Variants in ADGRB1 observed in about 807,000 individuals in gnomAD.
The protein encoded by ADGRB1 is adhesion G protein-coupled receptor B1, also known as brain-specific angiogenesis inhibitor 1.
In ADGRB1, 36 loss-of-function variants were observed where a neutral mutation model predicts 175.7. The observed-to-expected ratio is 0.20, with a 90% CI of 0.16 to 0.27. ADGRB1 has a LOEUF of 0.27. Ranked by LOEUF, ADGRB1 falls within the 10% of genes least tolerant of loss-of-function variation. The pLI, the probability that ADGRB1 is intolerant of heterozygous loss-of-function variation, is 1.00. For missense variants in ADGRB1, 1,731 were observed against 2,255.3 expected, an observed-to-expected ratio of 0.77 and a Z score of 4.71; for synonymous variants, 1,054 against 979.4, an observed-to-expected ratio of 1.08 and a Z score of -1.42.
At chr8:142,524,079 A>G (rs1844028080) in intron 22 of ADGRB1, among the ~76,000 whole-genome samples, 159 bp from the exon 23 acceptor site, 2 of 152,128 alleles carry the variant, frequency 1.3e-5, no homozygotes, top group Non-Finnish European at 2.9e-5. Context: ...TTCTAAGGCT[A>G]AAGAGTGGGT....
chr8:142,479,650 C>G, intron 8 of ADGRB1, 43 bp from the exon 9 acceptor site: 1 of 1,593,302 alleles, frequency 6.3e-7, no homozygotes, highest in Non-Finnish European at 8.6e-7. Context: ...GCTGCCGGCT[C>G]TCAGTACCCC....
chr8:142,527,145 C>T (rs1284253532), intron 24 of ADGRB1, among the ~76,000 whole-genome samples: 1 of 152,232 alleles, frequency 6.6e-6, no homozygotes, highest in African/African-American at 2.4e-5. Flanking sequence ...AGCACAGCAG[C>T]TGGACAGGGT....
chr8:142,457,635 C>G (rs554890039), intron 1 of ADGRB1, among the ~76,000 whole-genome samples: 107 of 152,282 alleles, frequency 7.0e-4, no homozygotes, highest in South Asian at 5.2e-3. Flanking sequence ...CCTGGGCTCT[C>G]TACGGGCAGG....
intron 14 of ADGRB1, 70 bp downstream of exon 14, chr8:142,488,577 C>A: frequency 6.4e-7 from 1 of 1,566,156 alleles, no homozygotes; most frequent in Non-Finnish European, 8.7e-7. Context: ...CGGTCACCAC[C>A]CTTCTGGAGT....
intron 21 of ADGRB1, 96 bp from the exon 22 acceptor site, chr8:142,522,545 T>C: frequency 7.9e-7 from 1 of 1,265,376 alleles, no homozygotes; most frequent in Non-Finnish European, 1.1e-6. Context: ...CAGAAGCGCC[T>C]GCCTGGCCCC....
At chr8:142,536,740 G>C (rs1181569635) in intron 25 of ADGRB1, among the ~76,000 whole-genome samples, 3 of 151,414 alleles carry the variant, frequency 2.0e-5, no homozygotes, top group Non-Finnish European at 4.4e-5. Context: ...GTGGCTGGGA[G>C]CTTGGTAGAG....
At chr8:142,465,651 A>G (rs2131685411) in intron 2 of ADGRB1, among the ~76,000 whole-genome samples, 1 of 152,240 alleles carries the variant, frequency 6.6e-6, no homozygotes, top group South Asian at 2.1e-4. Context: ...GGCCCTAAGC[A>G]CGAAGACACG....
intron 2 of ADGRB1, among the ~76,000 whole-genome samples, chr8:142,472,133 G>A (rs1406308471): frequency 2.6e-5 from 4 of 152,204 alleles, no homozygotes; most frequent in Non-Finnish European, 4.4e-5. Flanking sequence ...AGAACAGCCC[G>A]GAAGCTAGGG....
chr8:142,484,540 T>G (rs1463608544), intron 12 of ADGRB1, 116 bp from the exon 13 acceptor site: 3 of 1,110,338 alleles, frequency 2.7e-6, no homozygotes, highest in Non-Finnish European at 3.8e-6. Flanking sequence ...CAGCCCCACT[T>G]CCTCAAAATG....
At chr8:142,515,099 G>A (rs532142904) in intron 18 of ADGRB1, among the ~76,000 whole-genome samples, 3 of 152,126 alleles carry the variant, frequency 2.0e-5, no homozygotes, top group African/African-American at 4.8e-5. Flanking sequence ...GTGGGAGGGG[G>A]CCGGCTGGTT....
At chr8:142,507,806 A>C (rs1842916467) in intron 17 of ADGRB1, among the ~76,000 whole-genome samples, 1 of 152,124 alleles carries the variant, frequency 6.6e-6, no homozygotes. Context: ...TGAGAAGCAG[A>C]GCTGTGACTG....
At chr8:142,512,912 C>T (rs1843180229) in intron 18 of ADGRB1, among the ~76,000 whole-genome samples, 1 of 152,098 alleles carries the variant, frequency 6.6e-6, no homozygotes, top group African/African-American at 2.4e-5. Context: ...AGGAGGAGAC[C>T]CACTATGTGC....
intron 17 of ADGRB1, among the ~76,000 whole-genome samples, chr8:142,500,647 G>A (rs1229805423): frequency 6.6e-6 from 1 of 152,028 alleles, no homozygotes; most frequent in Non-Finnish European, 1.5e-5. Context: ...GCCCCTCAGT[G>A]TTACCCTGAG....
intron 16 of ADGRB1, 102 bp from the exon 17 acceptor site, chr8:142,490,670 A>C: frequency 2.2e-6 from 3 of 1,344,364 alleles, no homozygotes; most frequent in Non-Finnish European, 3.1e-6. Context: ...CCGCACAGGT[A>C]GCATGCCTGG....
intron 18 of ADGRB1, among the ~76,000 whole-genome samples, chr8:142,514,344 G>T (rs1406766420): frequency 1.3e-5 from 2 of 152,142 alleles, no homozygotes; most frequent in Non-Finnish European, 2.9e-5. Context: ...TGGAGCCAGG[G>T]TGTCGGCGCA....
intron 2 of ADGRB1, among the ~76,000 whole-genome samples, chr8:142,467,058 G>A (rs1439241194): frequency 6.6e-6 from 1 of 152,234 alleles, no homozygotes; most frequent in Non-Finnish European, 1.5e-5. Context: ...GAAAGAGCTG[G>A]CGGGACAGAC....
chr8:142,465,615 A>G (rs1462154370), intron 2 of ADGRB1, among the ~76,000 whole-genome samples: 2 of 151,972 alleles, frequency 1.3e-5, no homozygotes, highest in African/African-American at 4.8e-5. Context: ...CCCTGCTCTC[A>G]GGCAGCTGCG....
intron 17 of ADGRB1, among the ~76,000 whole-genome samples, chr8:142,497,116 G>T (rs548879288): frequency 2.0e-5 from 3 of 152,216 alleles, no homozygotes; most frequent in Non-Finnish European, 4.4e-5. Context: ...TTTATTAACC[G>T]ATTTTACAGC....
intron 18 of ADGRB1, among the ~76,000 whole-genome samples, chr8:142,513,505 T>C (rs889076035): frequency 6.6e-6 from 1 of 152,076 alleles, no homozygotes; most frequent in Admixed American, 6.5e-5. Context: ...GCTCTCTGGG[T>C]GCAGCCTGCC....
Sources: gnomAD v4.1 joint callset for allele counts (sites outside exome capture counted in the v4.1 genomes callset) on GRCh38, gnomAD v4.1.1 for gene constraint, MANE v1.5 for transcripts, NCBI Gene and HGNC (gene_info 2026-07-23, HGNC 2026-07-21) for gene names.